Variants in PSMA5 observed in about 807,000 individuals in gnomAD.
PSMA5 encodes proteasome subunit alpha type-5.
In PSMA5, 3 loss-of-function variants were observed where a neutral mutation model predicts 34.5. The observed-to-expected ratio is 0.09, with a 90% CI of 0.04 to 0.22. PSMA5 has a LOEUF of 0.22. Ranked by LOEUF, PSMA5 falls within the 10% of genes least tolerant of loss-of-function variation. PSMA5 has a pLI of 1.00. For missense variants in PSMA5, 120 were observed against 286.1 expected (o/e 0.42, Z 4.19); for synonymous variants, 88 against 95.8 (o/e 0.92, Z 0.47).
intron 1 of PSMA5, among the ~76,000 whole-genome samples, chr1:109,423,371 G>A (rs559402261): frequency 2.6e-5 from 4 of 152,278 alleles, no homozygotes; most frequent in African/African-American, 7.2e-5. Flanking sequence ...CCCAGGAGGC[G>A]GAGGTTGCAG....
At chr1:109,421,685 AAT>A (rs1347809154) in intron 2 of PSMA5, among the ~76,000 whole-genome samples, 173 bp downstream of exon 2, 1 of 152,192 alleles carries the variant, frequency 6.6e-6, no homozygotes, top group Non-Finnish European at 1.5e-5. Context: ...AAAGTTTTAA[AAT>A]AGATATTAGG....
rs1184070632 is a variant in PSMA5 at position 109,415,112 on chromosome 1, A to G, written c.223+125T>C. The G allele has an allele frequency of 7.4e-6, 9 of 1,213,040 alleles. No homozygotes were observed. In the Admixed American group the frequency reaches 2.2e-4, roughly 30 times the overall value. The allele number at this position is 1,213,040 out of a possible 1,614,324, so 75.1% of individuals were successfully genotyped here. A position where few individuals can be genotyped will look rare whatever the true frequency, so the allele number is the denominator to read the frequency against. On this transcript the variant is annotated intron_variant, in intron 3 of 8. Coordinates refer to ENST00000271308, the MANE Select transcript of PSMA5 (RefSeq NM_002790.4). ...CTCCTACATTTACGCATTCTGGCCT[A>G]CTGCCTGGAAAATAATAGCTAACAA... is the stretch of plus-strand genomic sequence containing the variant.
intron 8 of PSMA5, among the ~76,000 whole-genome samples, chr1:109,402,480 G>C (rs557442167): frequency 3.7e-4 from 57 of 152,274 alleles, no homozygotes; most frequent in African/African-American, 1.3e-3. Context: ...TTGAGCTTGT[G>C]TGTGTGACTT....
At chr1:109,413,596 A>G (rs1381098982) in intron 3 of PSMA5, among the ~76,000 whole-genome samples, 1 of 152,242 alleles carries the variant, frequency 6.6e-6, no homozygotes, top group Non-Finnish European at 1.5e-5. Flanking sequence ...AACTAGTTAT[A>G]TCAGAGAGAG....
intron 4 of PSMA5, 174 bp downstream of exon 4, chr1:109,412,894 G>A: frequency 1.7e-6 from 1 of 572,666 alleles, no homozygotes; most frequent in South Asian, 2.4e-5. Context: ...TGCAATGATT[G>A]GACAGCTAAA....
chr1:109,419,798 CAAAAAAA>C (rs57566863), intron 2 of PSMA5, among the ~76,000 whole-genome samples: 20 of 31,016 alleles, frequency 6.4e-4, no homozygotes, highest in African/African-American at 2.1e-3. Context: ...GACTCCGTCT[CAAAAAAA>C]AAAAAAAAAA....
chr1:109,415,672 A>T (rs1654165336), intron 2 of PSMA5, among the ~76,000 whole-genome samples: 1 of 152,218 alleles, frequency 6.6e-6, no homozygotes. Flanking sequence ...GAGTAAGTTC[A>T]ACAAAGTCTT....
At chr1:109,424,686 A>G (rs953561458) in intron 1 of PSMA5, among the ~76,000 whole-genome samples, 21 of 151,426 alleles carry the variant, frequency 1.4e-4, no homozygotes, top group Middle Eastern at 3.4e-3. Context: ...GAGTCAGAGA[A>G]TTGCTTAAAC....
intron 8 of PSMA5, among the ~76,000 whole-genome samples, chr1:109,406,482 G>A (rs1027935982): frequency 6.6e-6 from 1 of 152,166 alleles, no homozygotes; most frequent in Non-Finnish European, 1.5e-5. Context: ...AGAACTGCCT[G>A]AGGCCAGGAG....
chr1:109,404,078 C>T (rs930082617), intron 8 of PSMA5, among the ~76,000 whole-genome samples: 3 of 152,052 alleles, frequency 2.0e-5, no homozygotes, highest in African/African-American at 7.3e-5. Context: ...AATTATGGCA[C>T]TTTGGGAGGC....
chr1:109,415,588 T>C (rs1256996272), intron 2 of PSMA5, among the ~76,000 whole-genome samples: 1 of 152,206 alleles, frequency 6.6e-6, no homozygotes, highest in Non-Finnish European at 1.5e-5. Context: ...AAGTTCTTTT[T>C]TCTCCCTTAA....
At chr1:109,404,516 T>G (rs996815801) in intron 8 of PSMA5, among the ~76,000 whole-genome samples, 1 of 152,032 alleles carries the variant, frequency 6.6e-6, no homozygotes, top group Non-Finnish European at 1.5e-5. Context: ...AAACTCTGAG[T>G]GGAACAGTCC....
In PSMA5 at chr1:109,400,215, A is replaced by G. The variant is rs547865534; in HGVS notation, c.*1798T>C. On this transcript the variant is annotated 3_prime_UTR_variant, in exon 9 of 9. Transcript: ENST00000271308. ...AAGAGCTACTCCTTAGTATTTGGGC[A>G]TTTTTCCCCCTATGAAATGCATGTG... is the stretch of plus-strand genomic sequence containing the variant. 6.3e-4 allele frequency: 96 copies of G among 152,310 alleles called. No homozygotes were observed. Among genetic ancestry groups the G allele is most frequent in the African/African-American group, 2.1e-3 (89 of 41,562 alleles). 9.4% of individuals were successfully genotyped at this position (152,310 alleles called of 1,614,324 possible).
In PSMA5 at chr1:109,400,146, G is replaced by C. The variant is rs1653448176; in HGVS notation, c.*1867C>G. 6.6e-6 allele frequency: 1 copy of C among 152,172 alleles called. No homozygotes were observed. The highest frequency in any genetic ancestry group is 2.1e-4 in the South Asian group (1 of 4,834). 9.4% of individuals were successfully genotyped at this position (152,172 alleles called of 1,614,324 possible). A position where few individuals can be genotyped will look rare whatever the true frequency, so the allele number is the denominator to read the frequency against. On this transcript the variant is annotated 3_prime_UTR_variant, in exon 9 of 9. Transcript: ENST00000271308. ...AAAACACAAATATGCTGCCCAGCCA[G>C]TGGGAGGGAAAACAACTTAAGCTGA...
chr1:109,402,919 G>C (rs1653596742), intron 8 of PSMA5, among the ~76,000 whole-genome samples: 1 of 152,102 alleles, frequency 6.6e-6, no homozygotes, highest in African/African-American at 2.4e-5. Flanking sequence ...TGGTCAGGCT[G>C]GTCTCGAACT....
chr1:109,403,841 G>C (rs1332823905), intron 8 of PSMA5, among the ~76,000 whole-genome samples: 4 of 151,986 alleles, frequency 2.6e-5, no homozygotes, highest in Middle Eastern at 3.4e-3. Context: ...TCTGGGAACA[G>C]ACTTAAAAAA....
intron 4 of PSMA5, chr1:109,412,840 A>G (rs1365608915): frequency 2.4e-6 from 1 of 422,460 alleles, no homozygotes; most frequent in Non-Finnish European, 4.2e-6. Context: ...CCAAAAAAAA[A>G]AGGAAGACAC....
intron 3 of PSMA5, among the ~76,000 whole-genome samples, chr1:109,413,928 G>A (rs969544937): frequency 1.3e-5 from 2 of 152,120 alleles, no homozygotes; most frequent in African/African-American, 4.8e-5. Context: ...TGGCCTCCGT[G>A]CCTCCAGTTT....
At chr1:109,413,631 C>T (rs1208043748) in intron 3 of PSMA5, among the ~76,000 whole-genome samples, 1 of 152,190 alleles carries the variant, frequency 6.6e-6, no homozygotes, top group Non-Finnish European at 1.5e-5. Context: ...CAAGCTGTCA[C>T]GATTATGGCT....
Sources: allele counts gnomAD v4.1 joint callset (sites outside exome capture counted in the v4.1 genomes callset), GRCh38; gene constraint gnomAD v4.1.1; transcripts MANE v1.5; gene names NCBI Gene and HGNC (gene_info 2026-07-23, HGNC 2026-07-21).